NRG1: variants seen among roughly 807,000 people sequenced by gnomAD.
The protein encoded by NRG1 is neuregulin 1, also known as pro-neuregulin-1, membrane-bound isoform.
Under a neutral mutation model 63.8 loss-of-function variants are expected in NRG1, and 18 were observed. That is an observed-to-expected ratio of 0.28 (90% CI 0.19 to 0.42). The LOEUF (loss-of-function observed/expected upper bound fraction) is 0.42, where lower values mean the gene tolerates loss of function less well. Among genes scored for constraint, NRG1 ranks in the 10% least tolerant of loss-of-function variants. NRG1 has a pLI of 1.00. For missense variants in NRG1, 762 were observed against 814.7 expected (o/e 0.94, Z 0.79); for synonymous variants, 302 against 301.3 (o/e 1.00, Z -0.02).
intron 1 of NRG1, among the ~76,000 whole-genome samples, chr8:31,853,014 C>A (rs1269340563): frequency 6.6e-6 from 1 of 151,786 alleles, no homozygotes; most frequent in African/African-American, 2.4e-5. Flanking sequence ...GTTACTGTAG[C>A]CTTGTAGTAT....
In NRG1 at chr8:32,728,848, G is replaced by A. The variant is rs368455691; in HGVS notation, c.632+770G>A. ...TGGGAGGCCGAGGCGGGCAGATCAC[G>A]AGGTCAGGAGATTGAGACCATCCTG... On this transcript the variant is annotated intron_variant, in intron 6 of 11. Coordinates refer to ENST00000356819, the Ensembl canonical transcript of NRG1. Among the ~76,000 whole-genome samples the A allele has an allele frequency of 1.4e-4, 21 of 152,168 alleles. No homozygotes were observed. In the East Asian group the frequency reaches 2.1e-3, roughly 15 times the overall value.
At chr8:32,464,141 G>T (rs1280595834) in intron 1 of NRG1, among the ~76,000 whole-genome samples, 2 of 151,454 alleles carry the variant, frequency 1.3e-5, no homozygotes, top group Non-Finnish European at 2.9e-5. Flanking sequence ...TGATCCTCCC[G>T]CCTCAGTCCC....
chr8:31,928,964 A>G (rs1585840463), intron 1 of NRG1, among the ~76,000 whole-genome samples: 1 of 152,130 alleles, frequency 6.6e-6, no homozygotes, highest in Non-Finnish European at 1.5e-5. Context: ...CCTAAGCTTC[A>G]CCACCATACA....
At chr8:32,634,182 A>G (rs1009112179) in intron 5 of NRG1, among the ~76,000 whole-genome samples, 2 of 151,718 alleles carry the variant, frequency 1.3e-5, no homozygotes, top group Admixed American at 1.3e-4. Context: ...TTGAAAAAGC[A>G]TACATTCTTA....
At chr8:32,037,749 G>A (rs932955606) in intron 1 of NRG1, among the ~76,000 whole-genome samples, 13 of 152,144 alleles carry the variant, frequency 8.5e-5, no homozygotes, top group Non-Finnish European at 1.5e-4. Context: ...AATTGCTCCC[G>A]TTCCAAACTG....
chr8:31,663,204 A>T (rs1388229409), intron 1 of NRG1, among the ~76,000 whole-genome samples: 1 of 152,214 alleles, frequency 6.6e-6, no homozygotes, highest in Non-Finnish European at 1.5e-5. Context: ...TGGATTGGAA[A>T]AGTAGGAAAC....
At chr8:32,043,870 G>C (rs1820493760) in intron 1 of NRG1, among the ~76,000 whole-genome samples, 1 of 151,566 alleles carries the variant, frequency 6.6e-6, no homozygotes, top group Non-Finnish European at 1.5e-5. Flanking sequence ...AAATAAGACA[G>C]AAAAGCTAAA....
chr8:32,487,793 G>C (rs1016030390), intron 1 of NRG1, among the ~76,000 whole-genome samples: 5 of 152,184 alleles, frequency 3.3e-5, no homozygotes, highest in Non-Finnish European at 5.9e-5. Flanking sequence ...GATTTTTAAA[G>C]AGAGCAGGTC....
At chr8:32,473,638 C>T (rs1421484817) in intron 1 of NRG1, among the ~76,000 whole-genome samples, 2 of 152,146 alleles carry the variant, frequency 1.3e-5, no homozygotes, top group Non-Finnish European at 2.9e-5. Context: ...TTTCCGCAGA[C>T]TTAAATCAAC....
At chr8:32,174,574 G>A (rs977744757) in intron 1 of NRG1, among the ~76,000 whole-genome samples, 2 of 152,024 alleles carry the variant, frequency 1.3e-5, no homozygotes, top group African/African-American at 4.8e-5. Context: ...CAACAAAATT[G>A]ATAGACCACT....
At position 31,810,034 on chromosome 8, in the gene NRG1, T is replaced by TG. The variant is rs536558254; in HGVS notation, c.37+170605dup. Among the ~76,000 whole-genome samples the TG allele has an allele frequency of 4.7e-3, 708 of 152,202 alleles. 3 individuals carry two copies. The highest frequency in any genetic ancestry group is 7.3e-3 in the Non-Finnish European group (496 of 68,008). ...CTAGTCTCCCCATATCAGGAGATGATGGTACCCTTCACCCTGTAGCTCATG... is the reference window on the plus strand; with the variant it reads ...CTAGTCTCCCCATATCAGGAGATGATGGGTACCCTTCACCCTGTAGCTCATG... On this transcript the variant is annotated intron_variant, in intron 1 of 10. Transcript: ENST00000519301.
At chr8:31,658,610 G>A (rs767782640) in intron 1 of NRG1, among the ~76,000 whole-genome samples, 1 of 152,124 alleles carries the variant, frequency 6.6e-6, no homozygotes, top group Non-Finnish European at 1.5e-5. Context: ...TTATAGACAT[G>A]CACCGCCATG....
chr8:32,565,954 C>T (rs1302656966), intron 1 of NRG1, among the ~76,000 whole-genome samples: 3 of 152,104 alleles, frequency 2.0e-5, no homozygotes, highest in Admixed American at 6.5e-5. Flanking sequence ...GGAAACTTAC[C>T]GAGTTCGTGG....
chr8:31,991,207 A>T (rs142029323), intron 1 of NRG1, among the ~76,000 whole-genome samples: 8 of 152,158 alleles, frequency 5.3e-5, no homozygotes, highest in African/African-American at 1.9e-4. Context: ...GTGATCGAGT[A>T]AACAAAGTCC....
chr8:32,108,135 C>T (rs1257791195), intron 1 of NRG1, among the ~76,000 whole-genome samples: 1 of 152,148 alleles, frequency 6.6e-6, no homozygotes, highest in Non-Finnish European at 1.5e-5. Context: ...CCATGACCCT[C>T]CTCAAAGAAG....
chr8:31,879,652 T>C (rs946456304), intron 1 of NRG1, among the ~76,000 whole-genome samples: 4 of 152,154 alleles, frequency 2.6e-5, no homozygotes, highest in East Asian at 1.9e-4. Flanking sequence ...TATTACATCA[T>C]TGAGGTATTA....
chr8:32,634,623 T>A (rs566755916), intron 5 of NRG1, among the ~76,000 whole-genome samples: 1 of 152,226 alleles, frequency 6.6e-6, no homozygotes, highest in Non-Finnish European at 1.5e-5. Context: ...AACTGTAATA[T>A]GTATGTGAAC....
intron 1 of NRG1, among the ~76,000 whole-genome samples, chr8:31,758,039 C>G (rs10104764): frequency 0.74 from 112,798 of 152,014 alleles, 42,357 homozygotes; most frequent in East Asian, 0.99. Flanking sequence ...AGTGGGTACT[C>G]TGTTGTGCCT....
intron 7 of NRG1, among the ~76,000 whole-genome samples, chr8:32,772,984 C>A (rs2129067757): frequency 6.6e-6 from 1 of 152,216 alleles, no homozygotes; most frequent in Non-Finnish European, 1.5e-5. Context: ...AAAACAAAGG[C>A]CTCCTTTAGT....
Sources: gnomAD v4.1 joint callset for allele counts (sites outside exome capture counted in the v4.1 genomes callset) on GRCh38, gnomAD v4.1.1 for gene constraint, MANE v1.5 for transcripts, NCBI Gene and HGNC (gene_info 2026-07-23, HGNC 2026-07-21) for gene names.